Variants in SLC22A23 observed in about 807,000 individuals in gnomAD.
The protein encoded by SLC22A23 is solute carrier family 22 member 23, also known as ion transporter protein.
A neutral mutation model predicts 61.0 loss-of-function variants in SLC22A23; 26 were observed. The ratio of observed to expected loss-of-function variants is 0.43; its 90% CI spans 0.31 to 0.59. The LOEUF is 0.59. Among genes scored for constraint, SLC22A23 ranks in the 20% least tolerant of loss-of-function variants. The pLI, the probability that SLC22A23 is intolerant of heterozygous loss-of-function variation, is 0.11. For missense variants in SLC22A23, 796 were observed against 934.7 expected, an observed-to-expected ratio of 0.85 and a Z score of 1.94; for synonymous variants, 430 against 413.9, an observed-to-expected ratio of 1.04 and a Z score of -0.47.
chr6:3,332,628 A>G (rs905364711), intron 3 of SLC22A23, among the ~76,000 whole-genome samples: 4 of 152,164 alleles, frequency 2.6e-5, no homozygotes, highest in African/African-American at 9.7e-5. Context: ...TCCTGAAATC[A>G]TGTCATTCTA....
rs563686560 is a variant in SLC22A23, at chr6:3,280,535, G to A, written c.1703+3317C>T. Among the ~76,000 whole-genome samples the A allele has an allele frequency of 5.7e-3, 695 of 121,106 alleles. 6 individuals carry two copies. The highest frequency in any genetic ancestry group is 7.5e-3 in the Non-Finnish European group (473 of 63,194). 79.5% of individuals were successfully genotyped at this position (121,106 alleles called of 152,430 possible). A position where few individuals can be genotyped will look rare whatever the true frequency, so the allele number is the denominator to read the frequency against. ...TTTTGAGATGGAGTCTCGCTCTGTCGCCCAGGCTGGAGTGCAGTGGCGCGA... is the reference window on the plus strand; with the variant it reads ...TTTTGAGATGGAGTCTCGCTCTGTCACCCAGGCTGGAGTGCAGTGGCGCGA... On this transcript the variant is annotated intron_variant, in intron 9 of 9. Coordinates refer to ENST00000406686, the MANE Select transcript of SLC22A23 (RefSeq NM_015482.2).
intron 3 of SLC22A23, among the ~76,000 whole-genome samples, chr6:3,384,346 ATG>A (rs1767146691): frequency 6.6e-6 from 1 of 152,270 alleles, no homozygotes; most frequent in Non-Finnish European, 1.5e-5. Flanking sequence ...CTGTCTAAGA[ATG>A]TTTCTTAATC....
In SLC22A23 at chr6:3,327,756, C is replaced by T. The variant is rs35603319; in HGVS notation, c.914-3754G>A. Among the ~76,000 whole-genome samples the T allele has an allele frequency of 5.5e-3, 840 of 152,212 alleles. 3 individuals carry two copies. Among genetic ancestry groups the T allele is most frequent in the African/African-American group, 0.017 (699 of 41,520 alleles). ...TTTTGGAATACTTGCATATACATAACGAGATATCTTGGGCAAGGGACCCAA... is the reference window on the plus strand; with the variant it reads ...TTTTGGAATACTTGCATATACATAATGAGATATCTTGGGCAAGGGACCCAA... On this transcript the variant is annotated intron_variant, in intron 3 of 9. Transcript: ENST00000406686. This position sits in a 1 kb window ranked among gnomAD's most constrained non-coding sequence, Gnocchi z 4.1.
intron 3 of SLC22A23, among the ~76,000 whole-genome samples, chr6:3,350,841 G>A (rs1764726499): frequency 6.6e-6 from 1 of 152,140 alleles, no homozygotes; most frequent in South Asian, 2.1e-4. Context: ...ATTTCTTGGT[G>A]GTAATGGGGA....
In SLC22A23 at chr6:3,324,041, G is replaced by C; in HGVS notation, c.914-39C>G. On this transcript the variant is annotated intron_variant, in intron 3 of 9. Transcript: ENST00000406686. This position sits in a 1 kb window ranked among gnomAD's most constrained non-coding sequence, Gnocchi z 4.3. ...CCAATGAGAGAGAGATGAGTGCCCT[G>C]CTCGACAGCCCGAGAAGTCCTGGGT... 2 of 1,601,336 alleles carry C rather than the reference G, an allele frequency of 1.2e-6. No homozygotes were observed.
Position 3,324,047 on chromosome 6 carries a change from C to T in SLC22A23, c.914-45G>A, listed in dbSNP as rs987145193. 1.9e-6 allele frequency: 3 copies of T among 1,598,790 alleles called. No individual in the cohort carries two copies. The highest frequency in any genetic ancestry group is 2.2e-5 in the East Asian group (1 of 44,558). On this transcript the variant is annotated intron_variant, in intron 3 of 9. Coordinates refer to ENST00000406686, the MANE Select transcript of SLC22A23 (RefSeq NM_015482.2). The surrounding 1 kb of genome is among the most constrained non-coding windows in gnomAD (Gnocchi z 4.3). ...AGAGAGAGATGAGTGCCCTGCTCGA[C>T]AGCCCGAGAAGTCCTGGGTGCACCT...
At chr6:3,402,715 T>C (rs1369307455) in intron 3 of SLC22A23, among the ~76,000 whole-genome samples, 3 of 152,230 alleles carry the variant, frequency 2.0e-5, no homozygotes, top group Non-Finnish European at 4.4e-5. Flanking sequence ...GAGTCTCCTC[T>C]GGTGCTCACT....
intron 3 of SLC22A23, among the ~76,000 whole-genome samples, chr6:3,371,037 G>A (rs752433134): frequency 6.6e-5 from 10 of 152,206 alleles, no homozygotes; most frequent in Non-Finnish European, 1.2e-4. Context: ...TGACGAGGAT[G>A]TTATTTTGAT....
chr6:3,323,950 G>GCT lies in SLC22A23; in HGVS notation c.964_965dup (p.Ser322ArgfsTer15). On this transcript the variant is annotated frameshift_variant, in exon 4 of 10. Transcript: ENST00000406686. LOFTEE classifies it high-confidence loss of function. Reference sequence around the variant, plus strand: ...GGAACTGGCCCGCCATGGCCACGAAGCTCGCCACCATCGTAATCATGAACC... The same window carrying GCT: ...GGAACTGGCCCGCCATGGCCACGAAGCTCTCGCCACCATCGTAATCATGAACC... 1 of 1,614,232 alleles carries GCT rather than the reference G, an allele frequency of 6.2e-7. No homozygotes were observed. Among genetic ancestry groups the GCT allele is most frequent in the East Asian group, 2.2e-5 (1 of 44,886 alleles).
chr6:3,344,021 C>G (rs1286016828), intron 3 of SLC22A23, among the ~76,000 whole-genome samples: 2 of 152,186 alleles, frequency 1.3e-5, no homozygotes, highest in Non-Finnish European at 2.9e-5. Context: ...AATCTACTGT[C>G]CAGTCTCTGA....
Position 3,360,946 on chromosome 6 carries a change from C to A in SLC22A23, c.914-36944G>T, listed in dbSNP as rs992815170. ...AGCGTGGTACTGGGGTGACGAGAGG[C>A]GCTAGCGAACATCAGCAGCTGCGGG... On this transcript the variant is annotated intron_variant, in intron 3 of 9. Transcript: ENST00000406686. This position sits in a 1 kb window ranked among gnomAD's most constrained non-coding sequence, Gnocchi z 4.6. 6.6e-6 allele frequency among the ~76,000 whole-genome samples: 1 copy of A among 152,200 alleles called. No individual in the cohort carries two copies. The highest frequency in any genetic ancestry group is 1.9e-4 in the East Asian group (1 of 5,202).
At chr6:3,290,585 T>C (rs4587211) in intron 5 of SLC22A23, 13,891 of 153,298 alleles carry the variant, frequency 0.091, 1,642 homozygotes, top group African/African-American at 0.27. Flanking sequence ...GTCATGAGAC[T>C]GAGTTTCTTG....
At chr6:3,450,039 A>G (rs1772092619) in intron 1 of SLC22A23, among the ~76,000 whole-genome samples, 2 of 152,192 alleles carry the variant, frequency 1.3e-5, no homozygotes, top group South Asian at 4.1e-4. Context: ...CGGATACGCT[A>G]GTGTTTCTGA....
At chr6:3,281,011 G>A (rs1271104399) in intron 9 of SLC22A23, among the ~76,000 whole-genome samples, 3 of 152,282 alleles carry the variant, frequency 2.0e-5, no homozygotes, top group South Asian at 2.1e-4. Flanking sequence ...GAAAACAGGC[G>A]GGTGTCATGA....
intron 3 of SLC22A23, among the ~76,000 whole-genome samples, chr6:3,373,283 T>C (rs1311061404): frequency 3.3e-5 from 5 of 152,234 alleles, no homozygotes; most frequent in Non-Finnish European, 4.4e-5. Flanking sequence ...CAGCACATCC[T>C]GTGTGACTCC....
intron 3 of SLC22A23, among the ~76,000 whole-genome samples, chr6:3,385,358 C>CA (rs924503398): frequency 1.3e-5 from 2 of 151,638 alleles, no homozygotes; most frequent in African/African-American, 2.4e-5. Flanking sequence ...ACTAAAAATA[C>CA]AAAAAAAATT....
At chr6:3,346,891 A>ATAT (rs1296752471) in intron 3 of SLC22A23, among the ~76,000 whole-genome samples, 1 of 152,208 alleles carries the variant, frequency 6.6e-6, no homozygotes, top group Non-Finnish European at 1.5e-5. Context: ...ACCCCCTAGT[A>ATAT]GCATCTAAAG....
chr6:3,444,855 G>A, intron 1 of SLC22A23: 1 of 985,596 alleles, frequency 1.0e-6, no homozygotes, highest in South Asian at 4.7e-5. Context: ...GGTGAAGGCG[G>A]CAGACACCTG....
In SLC22A23 at chr6:3,299,998, C is replaced by CTTTTT. The variant is rs869114176; in HGVS notation, c.1083-1785_1083-1781dup. 4.1e-4 allele frequency among the ~76,000 whole-genome samples: 32 copies of CTTTTT among 78,796 alleles called. 3 individuals are homozygous for CTTTTT. Among genetic ancestry groups the CTTTTT allele is most frequent in the Middle Eastern group, 9.4e-3 (1 of 106 alleles). 51.7% of individuals were successfully genotyped at this position (78,796 alleles called of 152,430 possible). A position where few individuals can be genotyped will look rare whatever the true frequency, so the allele number is the denominator to read the frequency against. Reference sequence around the variant, plus strand: ...ACCTGCTTTGCAAGCTCAGGATAGACTTTTTTTTTTTTTTTTTTTTTTTTT... The same window carrying CTTTTT: ...ACCTGCTTTGCAAGCTCAGGATAGACTTTTTTTTTTTTTTTTTTTTTTTTTTTTTT... On this transcript the variant is annotated intron_variant, in intron 4 of 9. Transcript: ENST00000406686.
Sources: allele counts gnomAD v4.1 joint callset (sites outside exome capture counted in the v4.1 genomes callset), GRCh38; gene constraint gnomAD v4.1.1; non-coding constraint Gnocchi (gnomAD v3.1); transcripts MANE v1.5; gene names NCBI Gene and HGNC (gene_info 2026-07-23, HGNC 2026-07-21).